The following NUBPL variants were observed in gnomAD, a reference collection of about 807,000 sequenced individuals.
NUBPL encodes iron-sulfur cluster transfer protein NUBPL.
NUBPL carries 31 observed loss-of-function variants against 45.7 expected under a neutral mutation model. The observed-to-expected ratio is 0.68, with a 90% CI of 0.51 to 0.92. The LOEUF (loss-of-function observed/expected upper bound fraction) is 0.92. Ranked by LOEUF, NUBPL falls within the 40% of genes least tolerant of loss-of-function variation. The pLI is 0.00. For synonymous variants in NUBPL, 144 were observed against 140.9 expected (o/e 1.02, Z -0.15); for missense variants, 401 against 398.7 (o/e 1.01, Z -0.05).
At position 31,763,141 on chromosome 14, in the gene NUBPL, C is replaced by T. The variant is rs77891735; in HGVS notation, c.514-24639C>T. On this transcript the variant is annotated intron_variant, in intron 6 of 10. Transcript: ENST00000281081. ...AACAGTGGGGATGAAGGTTACTGTTCTTGAAAGGGTGTACATTTTCTAGAA... is the reference window on the plus strand; with the variant it reads ...AACAGTGGGGATGAAGGTTACTGTTTTTGAAAGGGTGTACATTTTCTAGAA... Among the ~76,000 whole-genome samples the T allele has an allele frequency of 7.7e-3, 1,171 of 152,214 alleles. 22 individuals are homozygous for T. The highest frequency in any genetic ancestry group is 0.026 in the African/African-American group (1,097 of 41,540).
chr14:31,799,900 C>A (rs1311190775), intron 7 of NUBPL, among the ~76,000 whole-genome samples: 11 of 152,218 alleles, frequency 7.2e-5, no homozygotes, highest in Non-Finnish European at 1.6e-4. Flanking sequence ...TGTTTGATAG[C>A]ATTTAACCCA....
At chr14:31,789,904 C>CTTTTTTTTTTT (rs1246008392) in intron 7 of NUBPL, among the ~76,000 whole-genome samples, 1 of 134,340 alleles carries the variant, frequency 7.4e-6, no homozygotes. Flanking sequence ...TGTGATTTTT[C>CTTTTTTTTTTT]TTTTTTTTTT....
chr14:31,666,597 A>G (rs2036435771), intron 4 of NUBPL, among the ~76,000 whole-genome samples: 1 of 152,082 alleles, frequency 6.6e-6, no homozygotes, highest in Non-Finnish European at 1.5e-5. Flanking sequence ...TTTGATCATA[A>G]TGCTAGCTGG....
intron 7 of NUBPL, among the ~76,000 whole-genome samples, chr14:31,803,074 A>G (rs2138871932): frequency 6.6e-6 from 1 of 152,334 alleles, no homozygotes; most frequent in Middle Eastern, 3.4e-3. Context: ...CTTTTATGGT[A>G]ACCCTCTTTG....
chr14:31,742,964 G>C (rs528990594), intron 6 of NUBPL, among the ~76,000 whole-genome samples: 2 of 152,044 alleles, frequency 1.3e-5, no homozygotes, highest in South Asian at 2.1e-4. Context: ...GCATTTTTAA[G>C]CCATAATCTT....
chr14:31,662,283 ATTT>A (rs2036289291), intron 4 of NUBPL: 1 of 113,920 alleles, frequency 8.8e-6, no homozygotes, highest in Non-Finnish European at 2.2e-5. Flanking sequence ...ATTTATATTT[ATTT>A]TATTTTATTT....
chr14:31,590,981 G>A (rs1172924007), intron 3 of NUBPL, among the ~76,000 whole-genome samples: 3 of 152,006 alleles, frequency 2.0e-5, no homozygotes, highest in African/African-American at 7.3e-5. Context: ...ATGAAAATGT[G>A]GCACTTAAGG....
chr14:31,660,172 A>T (rs2036234726), intron 4 of NUBPL, among the ~76,000 whole-genome samples: 1 of 152,130 alleles, frequency 6.6e-6, no homozygotes, highest in Middle Eastern at 3.2e-3. Context: ...TTGGTTGTCC[A>T]GGTTGATGGC....
At chr14:31,801,381 A>G (rs946357551) in intron 7 of NUBPL, among the ~76,000 whole-genome samples, 2 of 152,160 alleles carry the variant, frequency 1.3e-5, no homozygotes, top group Non-Finnish European at 2.9e-5. Flanking sequence ...AGCAAGTGGA[A>G]TAACTAACAC....
intron 4 of NUBPL, among the ~76,000 whole-genome samples, chr14:31,640,670 C>A (rs560857248): frequency 2.7e-5 from 4 of 149,484 alleles, no homozygotes; most frequent in Non-Finnish European, 4.4e-5. Flanking sequence ...TTCCCTTAAT[C>A]TTTTCAAAAA....
chr14:31,669,797 G>GTTTTTTTTTTTTTT lies in NUBPL; in HGVS notation c.383-3547_383-3546insTTTTTTTTTTTTTT, dbSNP rs1211411877. On this transcript the variant is annotated intron_variant, in intron 4 of 10. Coordinates refer to ENST00000281081, the MANE Select transcript of NUBPL (RefSeq NM_025152.3). Reference sequence around the variant, plus strand: ...TCTTCCTGCAAAAGACATGATCTTGGTTTTTTTTTTTGTTTTTTTTTTTTT... The same window carrying GTTTTTTTTTTTTTT: ...TCTTCCTGCAAAAGACATGATCTTGGTTTTTTTTTTTTTTTTTTTTTTTTTGTTTTTTTTTTTTT... 2.9e-4 allele frequency among the ~76,000 whole-genome samples: 20 copies of GTTTTTTTTTTTTTT among 68,632 alleles called. 3 individuals carry two copies. Among genetic ancestry groups the GTTTTTTTTTTTTTT allele is most frequent in the East Asian group, 1.0e-3 (2 of 1,946 alleles). The allele number at this position is 68,632 out of a possible 152,430, so 45.0% of individuals were successfully genotyped here. A position where few individuals can be genotyped will look rare whatever the true frequency, so the allele number is the denominator to read the frequency against.
chr14:31,753,878 A>G (rs760123275), intron 6 of NUBPL, among the ~76,000 whole-genome samples: 1 of 152,158 alleles, frequency 6.6e-6, no homozygotes, highest in Non-Finnish European at 1.5e-5. Flanking sequence ...CCTTCACACC[A>G]TGGTAAAGCT....
At chr14:31,760,118 C>G (rs909466021) in intron 6 of NUBPL, among the ~76,000 whole-genome samples, 1 of 36,224 alleles carries the variant, frequency 2.8e-5, no homozygotes, top group Non-Finnish European at 5.7e-5. Context: ...TCTATTACTT[C>G]TGACTTTAGT....
chr14:31,715,642 G>T (rs913933618), intron 6 of NUBPL, among the ~76,000 whole-genome samples: 1 of 152,164 alleles, frequency 6.6e-6, no homozygotes, highest in African/African-American at 2.4e-5. Context: ...ATGAAAAATG[G>T]TGCCCCTGTG....
Position 31,642,949 on chromosome 14 carries a change from T to C in NUBPL, c.383-30406T>C, listed in dbSNP as rs910559013. Reference sequence around the variant, plus strand: ...ATGGACTGCTTTCTTGATTTCTTTTTTAGATTGTTTGCTGTTGGTGTATAT... The same window carrying C: ...ATGGACTGCTTTCTTGATTTCTTTTCTAGATTGTTTGCTGTTGGTGTATAT... On this transcript the variant is annotated intron_variant, in intron 4 of 10. Transcript: ENST00000281081. Among the ~76,000 whole-genome samples the C allele has an allele frequency of 2.0e-5, 3 of 152,146 alleles. No homozygotes were observed. The East Asian group carries it at 5.8e-4, about 29-fold the overall frequency.
chr14:31,735,089 G>A (rs1263666816), intron 6 of NUBPL, among the ~76,000 whole-genome samples: 1 of 152,156 alleles, frequency 6.6e-6, no homozygotes, highest in Admixed American at 6.5e-5. Flanking sequence ...TCTTCTAACT[G>A]TCCATAGCAG....
intron 4 of NUBPL, among the ~76,000 whole-genome samples, chr14:31,642,366 G>A (rs559106414): frequency 1.3e-5 from 2 of 152,256 alleles, no homozygotes; most frequent in East Asian, 3.9e-4. Flanking sequence ...TGTACATGGT[G>A]AGAAATAGGG....
intron 4 of NUBPL, among the ~76,000 whole-genome samples, chr14:31,607,680 A>G (rs1595361451): frequency 6.6e-6 from 1 of 152,082 alleles, no homozygotes; most frequent in Non-Finnish European, 1.5e-5. Context: ...TTGAAAATAT[A>G]TAGTCAGAGG....
intron 6 of NUBPL, among the ~76,000 whole-genome samples, chr14:31,754,591 CTTTTT>C (rs59085679): frequency 0.024 from 2,485 of 103,782 alleles, 39 homozygotes; most frequent in African/African-American, 0.073. Flanking sequence ...AGAGGGTTTT[CTTTTT>C]TTTTTTTTTT....
Sources: allele counts gnomAD v4.1 joint callset (sites outside exome capture counted in the v4.1 genomes callset), GRCh38; gene constraint gnomAD v4.1.1; transcripts MANE v1.5; gene names NCBI Gene and HGNC (gene_info 2026-07-23, HGNC 2026-07-21).